Variants in MTMR7 observed in about 807,000 individuals in gnomAD.
MTMR7 encodes the protein myotubularin related protein 7.
A neutral mutation model predicts 81.2 loss-of-function variants in MTMR7; 76 were observed. The observed-to-expected ratio is 0.94, with a 90% CI of 0.78 to 1.13. The LOEUF is 1.13. Among genes scored for constraint, MTMR7 ranks in the 50% most tolerant of loss-of-function variants. The pLI is 0.00. For missense variants in MTMR7, 1,044 were observed against 820.0 expected (o/e 1.27, Z -3.34); for synonymous variants, 372 against 289.8 (o/e 1.28, Z -2.88).
chr8:17,382,976 A>C (rs1585110485), intron 1 of MTMR7, among the ~76,000 whole-genome samples: 1 of 152,262 alleles, frequency 6.6e-6, no homozygotes, highest in African/African-American at 2.4e-5. Context: ...ACAGGGCACC[A>C]AACTGTCAGG....
intron 13 of MTMR7, among the ~76,000 whole-genome samples, chr8:17,300,467 G>T (rs1212534960): frequency 6.6e-6 from 1 of 152,066 alleles, no homozygotes; most frequent in Non-Finnish European, 1.5e-5. Flanking sequence ...AAACAATATA[G>T]CACAGTTGAA....
intron 7 of MTMR7, among the ~76,000 whole-genome samples, chr8:17,330,343 C>T (rs1403316878): frequency 6.6e-6 from 1 of 152,220 alleles, no homozygotes; most frequent in Non-Finnish European, 1.5e-5. Context: ...TCCCCAGAAG[C>T]GCAGACAGTG....
At position 17,349,099 on chromosome 8, in the gene MTMR7, A is replaced by T. The variant is rs536332988; in HGVS notation, c.469-18T>A. On this transcript the variant is annotated intron_variant, in intron 4 of 13. Transcript: ENST00000180173. The stretch of plus-strand genomic sequence containing the variant: ...TCACAGACCTGTCACCAGAAAATAC[A>T]AAGAGATTTTTAGGCCATCTAGTAA... 6.2e-7 allele frequency: 1 copy of T among 1,609,496 alleles called. No individual in the cohort carries two copies. The highest frequency in any genetic ancestry group is 1.1e-5 in the South Asian group (1 of 90,678).
intron 1 of MTMR7, among the ~76,000 whole-genome samples, chr8:17,384,014 T>C (rs1472234875): frequency 6.6e-6 from 1 of 152,166 alleles, no homozygotes; most frequent in African/African-American, 2.4e-5. Flanking sequence ...AAAAAAGATG[T>C]TTCAAGTTGG....
At chr8:17,363,400 A>G (rs1408207962) in intron 3 of MTMR7, among the ~76,000 whole-genome samples, 2 of 152,246 alleles carry the variant, frequency 1.3e-5, no homozygotes, top group Admixed American at 1.3e-4. Context: ...ATATTTACAA[A>G]TAGCTTTAAA....
intron 10 of MTMR7, 127 bp from the exon 11 acceptor site, chr8:17,306,084 G>A: frequency 1.4e-6 from 1 of 729,986 alleles, no homozygotes; most frequent in Non-Finnish European, 2.1e-6. Flanking sequence ...AACTTGGAAT[G>A]ACAAAAAAGG....
At chr8:17,366,915 A>G (rs1237303298) in intron 3 of MTMR7, among the ~76,000 whole-genome samples, 1 of 146,888 alleles carries the variant, frequency 6.8e-6, no homozygotes, top group Non-Finnish European at 1.5e-5. Flanking sequence ...CTGAAAAACC[A>G]TTTAGAGTGG....
At chr8:17,349,825 G>A (rs961280674) in intron 4 of MTMR7, among the ~76,000 whole-genome samples, 2 of 152,126 alleles carry the variant, frequency 1.3e-5, no homozygotes, top group African/African-American at 4.8e-5. Flanking sequence ...GGGTGCCTTG[G>A]AAGGATCTTG....
intron 1 of MTMR7, among the ~76,000 whole-genome samples, chr8:17,390,919 C>G (rs191501933): frequency 6.6e-6 from 1 of 152,298 alleles, no homozygotes; most frequent in African/African-American, 2.4e-5. Context: ...AGATTACAAT[C>G]CAAGATGGGA....
chr8:17,306,368 G>A (rs938642772), intron 10 of MTMR7, among the ~76,000 whole-genome samples: 1 of 151,794 alleles, frequency 6.6e-6, no homozygotes, highest in African/African-American at 2.4e-5. Flanking sequence ...TTGTTGGGAA[G>A]GGATGAGGAA....
intron 1 of MTMR7, among the ~76,000 whole-genome samples, chr8:17,391,366 T>C (rs913743054): frequency 6.6e-6 from 1 of 152,156 alleles, no homozygotes; most frequent in African/African-American, 2.4e-5. Context: ...ATGACATATA[T>C]ATTGTTTTAA....
At chr8:17,396,601 T>C (rs1436971473) in intron 1 of MTMR7, among the ~76,000 whole-genome samples, 1 of 152,134 alleles carries the variant, frequency 6.6e-6, no homozygotes, top group Non-Finnish European at 1.5e-5. Flanking sequence ...GCCTCACTAC[T>C]GCAGGCTAAA....
chr8:17,329,090 C>A (rs1338283065), intron 7 of MTMR7, among the ~76,000 whole-genome samples: 3 of 152,140 alleles, frequency 2.0e-5, no homozygotes, highest in Non-Finnish European at 4.4e-5. Context: ...ATATCCATAA[C>A]AGTAGTAAAA....
chr8:17,401,078 C>G (rs934955609), intron 1 of MTMR7, among the ~76,000 whole-genome samples: 5 of 151,738 alleles, frequency 3.3e-5, no homozygotes, highest in African/African-American at 1.2e-4. Context: ...CTTTGCAATT[C>G]GGGGGATACG....
intron 6 of MTMR7, among the ~76,000 whole-genome samples, chr8:17,332,315 TGACACA>T (rs1819044686): frequency 6.6e-6 from 1 of 152,218 alleles, no homozygotes; most frequent in Non-Finnish European, 1.5e-5. Context: ...ATATGTTCTT[TGACACA>T]GATCTCCTAA....
In MTMR7 at chr8:17,302,880, A is replaced by G. The variant is rs140482282; in HGVS notation, c.1494-600T>C. Among the ~76,000 whole-genome samples, 753 of 151,336 alleles carry G rather than the reference A, an allele frequency of 5.0e-3. 5 individuals carry two copies. The highest frequency in any genetic ancestry group is 0.017 in the African/African-American group (710 of 41,262). ...GGCATGCACCACCATGCCTAATTTT[A>G]TATTTTTTTTAGTAGAGACAGGGTT... On this transcript the variant is annotated intron_variant, in intron 12 of 13. Coordinates refer to ENST00000180173, the MANE Select transcript of MTMR7 (RefSeq NM_004686.5).
chr8:17,352,106 A>G (rs1285097855), intron 4 of MTMR7, among the ~76,000 whole-genome samples: 2 of 152,224 alleles, frequency 1.3e-5, no homozygotes, highest in Admixed American at 6.5e-5. Flanking sequence ...TAAAATTTAC[A>G]TGGATTCTCC....
At chr8:17,364,418 T>A (rs1202128893) in intron 3 of MTMR7, among the ~76,000 whole-genome samples, 1 of 152,220 alleles carries the variant, frequency 6.6e-6, no homozygotes. Context: ...GTATTTAACA[T>A]TTTTTGTAAC....
chr8:17,376,503 A>C (rs1026210095), intron 1 of MTMR7, among the ~76,000 whole-genome samples: 2 of 152,208 alleles, frequency 1.3e-5, no homozygotes, highest in African/African-American at 4.8e-5. Context: ...AGGCTTTTGA[A>C]GAGCTTCTGG....
Sources: gnomAD v4.1 joint callset for allele counts (sites outside exome capture counted in the v4.1 genomes callset) on GRCh38, gnomAD v4.1.1 for gene constraint, MANE v1.5 for transcripts, NCBI Gene and HGNC (gene_info 2026-07-23, HGNC 2026-07-21) for gene names.